NRG3: variants seen among roughly 807,000 people sequenced by gnomAD.
NRG3 encodes the protein pro-neuregulin-3, membrane-bound isoform.
NRG3 carries 31 observed loss-of-function variants against 66.9 expected under a neutral mutation model. The ratio of observed to expected loss-of-function variants is 0.46; its 90% confidence interval spans 0.35 to 0.63. The LOEUF is 0.63. Among genes scored for constraint, NRG3 ranks in the 20% least tolerant of loss-of-function variants. The pLI is 0.00. For missense variants in NRG3, 910 were observed against 878.9 expected (o/e 1.04, Z -0.45); for synonymous variants, 393 against 359.4 (o/e 1.09, Z -1.06).
intron 4 of NRG3, among the ~76,000 whole-genome samples, chr10:82,882,347 G>A (rs1293032873): frequency 6.6e-6 from 1 of 152,170 alleles, no homozygotes; most frequent in Non-Finnish European, 1.5e-5. Flanking sequence ...TCAAATCCAG[G>A]TGAAGATGAG....
At chr10:82,027,631 G>T (rs1157641433) in intron 1 of NRG3, among the ~76,000 whole-genome samples, 1 of 152,090 alleles carries the variant, frequency 6.6e-6, no homozygotes, top group African/African-American at 2.4e-5. Flanking sequence ...TTTCTTGAGT[G>T]TTTCTCAATT....
intron 2 of NRG3, among the ~76,000 whole-genome samples, chr10:82,454,438 G>T (rs181727325): frequency 6.6e-6 from 1 of 151,714 alleles, no homozygotes; most frequent in African/African-American, 2.4e-5. Context: ...CTACACTCGT[G>T]TTCAAACAGT....
At chr10:82,015,193 T>C (rs1183802531) in intron 1 of NRG3, among the ~76,000 whole-genome samples, 1 of 152,184 alleles carries the variant, frequency 6.6e-6, no homozygotes, top group Admixed American at 6.6e-5. Flanking sequence ...GTAAAAATTC[T>C]TACTTGGGTT....
intron 1 of NRG3, among the ~76,000 whole-genome samples, chr10:82,039,457 A>G (rs2062933262): frequency 6.6e-6 from 1 of 152,102 alleles, no homozygotes; most frequent in South Asian, 2.1e-4. Flanking sequence ...ATATTATGGA[A>G]GTGGCACTAG....
chr10:82,694,266 T>TA (rs2055193639), intron 2 of NRG3, among the ~76,000 whole-genome samples: 1 of 152,202 alleles, frequency 6.6e-6, no homozygotes, highest in African/African-American at 2.4e-5. Context: ...TGGGTGCATT[T>TA]ACAAGCCTTT....
intron 2 of NRG3, among the ~76,000 whole-genome samples, chr10:82,493,957 A>G (rs771511007): frequency 1.2e-4 from 18 of 152,240 alleles, no homozygotes; most frequent in Non-Finnish European, 2.4e-4. Flanking sequence ...TCAAAAGAAG[A>G]CACTCATGAA....
intron 2 of NRG3, among the ~76,000 whole-genome samples, 153 bp from the exon 3 acceptor site, chr10:82,738,424 G>T (rs574229706): frequency 9.3e-4 from 141 of 152,308 alleles, no homozygotes; most frequent in Non-Finnish European, 1.7e-3. Flanking sequence ...TTGAGAATCT[G>T]CCTGTTGAGG....
At chr10:82,824,523 C>G (rs2062099235) in intron 3 of NRG3, among the ~76,000 whole-genome samples, 1 of 152,116 alleles carries the variant, frequency 6.6e-6, no homozygotes, top group Non-Finnish European at 1.5e-5. Flanking sequence ...TGTGTCCTTC[C>G]CATTACTTGC....
chr10:82,699,768 A>G (rs1473155938), intron 2 of NRG3, among the ~76,000 whole-genome samples: 3 of 152,200 alleles, frequency 2.0e-5, no homozygotes, highest in East Asian at 1.9e-4. Flanking sequence ...GTAAGAAGGC[A>G]ATATCCATGA....
chr10:81,882,209 G>C (rs1190107589), intron 1 of NRG3, among the ~76,000 whole-genome samples: 2 of 152,258 alleles, frequency 1.3e-5, no homozygotes, highest in Non-Finnish European at 2.9e-5. Flanking sequence ...CTTGAGCTTG[G>C]CCTGGTGGCT....
At chr10:82,917,968 G>GTA (rs1419038422) in intron 4 of NRG3, among the ~76,000 whole-genome samples, 78 of 97,390 alleles carry the variant, frequency 8.0e-4, no homozygotes, top group Admixed American at 2.1e-3. Context: ...GTGTGTGTGT[G>GTA]TGTATATATA....
intron 1 of NRG3, among the ~76,000 whole-genome samples, chr10:82,070,104 C>T (rs1421855098): frequency 6.6e-6 from 1 of 152,192 alleles, no homozygotes; most frequent in Non-Finnish European, 1.5e-5. Flanking sequence ...GAGATAAGCA[C>T]ATAGGTTTAT....
intron 1 of NRG3, among the ~76,000 whole-genome samples, chr10:81,971,574 T>C (rs931498930): frequency 6.6e-6 from 1 of 152,186 alleles, no homozygotes; most frequent in African/African-American, 2.4e-5. Flanking sequence ...ACAGAATATA[T>C]GAAGCAAAGG....
intron 1 of NRG3, among the ~76,000 whole-genome samples, chr10:81,952,891 G>A (rs1399308697): frequency 6.6e-6 from 1 of 152,042 alleles, no homozygotes; most frequent in East Asian, 1.9e-4. Context: ...CACCACGCTT[G>A]GCCTCAATCC....
intron 3 of NRG3, among the ~76,000 whole-genome samples, chr10:82,794,666 T>G (rs1264114632): frequency 6.6e-6 from 1 of 152,188 alleles, no homozygotes; most frequent in Non-Finnish European, 1.5e-5. Context: ...AAACAGGTCT[T>G]GGGTAGAACT....
chr10:82,450,208 T>A (rs1283473198), intron 2 of NRG3, among the ~76,000 whole-genome samples: 1 of 152,186 alleles, frequency 6.6e-6, no homozygotes, highest in Non-Finnish European at 1.5e-5. Context: ...AAGTTAGGAT[T>A]TAATTACCCC....
chr10:82,408,085 CAGAAAGAAAGAAAGAAAGAAAGAAAGAA>C (rs71009807), intron 2 of NRG3, among the ~76,000 whole-genome samples: 17 of 74,860 alleles, frequency 2.3e-4, no homozygotes, highest in Non-Finnish European at 3.4e-4. Flanking sequence ...GAGAGAGAGA[CAGAAAGAAAGAAAGAAAGAAAGAAAGAA>C]AGAAAGAAAG....
intron 1 of NRG3, among the ~76,000 whole-genome samples, chr10:82,084,616 A>C (rs534645880): frequency 6.6e-6 from 1 of 152,056 alleles, no homozygotes; most frequent in East Asian, 1.9e-4. Context: ...GTCAAGAAGT[A>C]GAAGCATGTA....
chr10:82,844,883 G>T (rs537889839), intron 3 of NRG3, among the ~76,000 whole-genome samples: 2 of 152,146 alleles, frequency 1.3e-5, no homozygotes, highest in Non-Finnish European at 2.9e-5. Context: ...GGCCAGGAGT[G>T]GTTGCTCACG....
Sources: allele counts gnomAD v4.1 joint callset (sites outside exome capture counted in the v4.1 genomes callset), GRCh38; gene constraint gnomAD v4.1.1; transcripts MANE v1.5; gene names NCBI Gene and HGNC (gene_info 2026-07-23, HGNC 2026-07-21).